The following CDKAL1 variants were observed in gnomAD, a reference collection of about 807,000 sequenced individuals.
CDKAL1 encodes the protein threonylcarbamoyladenosine tRNA methylthiotransferase.
In CDKAL1, 32 loss-of-function variants were observed where a neutral mutation model predicts 68.2. That is an observed-to-expected ratio of 0.47 (90% CI 0.35 to 0.63). The LOEUF (loss-of-function observed/expected upper bound fraction) is 0.63, where lower values mean the gene tolerates loss of function less well. Ranked by LOEUF, CDKAL1 falls within the 30% of genes least tolerant of loss-of-function variation. The pLI, the probability that CDKAL1 is intolerant of heterozygous loss-of-function variation, is 0.00. For missense variants in CDKAL1, 606 were observed against 696.7 expected (o/e 0.87, Z 1.47); for synonymous variants, 234 against 244.3 (o/e 0.96, Z 0.39).
chr6:20,786,032 C>T (rs1227575656), intron 8 of CDKAL1, among the ~76,000 whole-genome samples: 1 of 152,042 alleles, frequency 6.6e-6, no homozygotes, highest in Non-Finnish European at 1.5e-5. Context: ...ACCAGCCTGG[C>T]CAACATGCTG....
At chr6:20,933,037 C>A (rs1467105931) in intron 9 of CDKAL1, among the ~76,000 whole-genome samples, 3 of 152,148 alleles carry the variant, frequency 2.0e-5, no homozygotes, top group South Asian at 2.1e-4. Flanking sequence ...AGGAATCAAA[C>A]CCTGGTTGGC....
intron 5 of CDKAL1, among the ~76,000 whole-genome samples, chr6:20,714,729 A>T (rs1772012019): frequency 6.6e-6 from 1 of 151,998 alleles, no homozygotes; most frequent in East Asian, 1.9e-4. Flanking sequence ...ATGTTAACTA[A>T]TGTTTTCCAG....
At chr6:21,050,009 A>C (rs1384126555) in intron 11 of CDKAL1, among the ~76,000 whole-genome samples, 1 of 152,114 alleles carries the variant, frequency 6.6e-6, no homozygotes, top group Non-Finnish European at 1.5e-5. Flanking sequence ...TTCTTCCTTT[A>C]CTTATGTCAT....
At chr6:20,863,535 T>A (rs1480282435) in intron 9 of CDKAL1, among the ~76,000 whole-genome samples, 2 of 152,216 alleles carry the variant, frequency 1.3e-5, no homozygotes, top group Non-Finnish European at 2.9e-5. Context: ...AACTTCATCT[T>A]TTGCCTTACT....
chr6:21,064,732 A>C (rs1338530873), intron 11 of CDKAL1, among the ~76,000 whole-genome samples: 1 of 152,168 alleles, frequency 6.6e-6, no homozygotes, highest in South Asian at 2.1e-4. Context: ...CATTTACCAT[A>C]ATAGAGAAGT....
At chr6:20,661,172 A>G (rs1769267859) in intron 5 of CDKAL1, among the ~76,000 whole-genome samples, 1 of 152,226 alleles carries the variant, frequency 6.6e-6, no homozygotes, top group Non-Finnish European at 1.5e-5. Context: ...GAAAGATTTG[A>G]TGAAGGCCAA....
At chr6:20,862,635 TTG>T (rs56736298) in intron 9 of CDKAL1, among the ~76,000 whole-genome samples, 70,705 of 149,076 alleles carry the variant, frequency 0.47, 17,553 homozygotes, top group Non-Finnish European at 0.57. Context: ...TCTTTCCAAC[TTG>T]TGTGTGTGTG....
intron 5 of CDKAL1, among the ~76,000 whole-genome samples, chr6:20,667,235 G>C (rs1459147302): frequency 6.6e-6 from 1 of 152,162 alleles, no homozygotes; most frequent in African/African-American, 2.4e-5. Context: ...AATATTTCTT[G>C]AATGCCTACT....
intron 13 of CDKAL1, among the ~76,000 whole-genome samples, chr6:21,157,586 G>A (rs945672908): frequency 6.6e-6 from 1 of 152,148 alleles, no homozygotes; most frequent in Non-Finnish European, 1.5e-5. Flanking sequence ...TAAAAAAATA[G>A]CTAAGTGAAA....
chr6:20,600,791 C>CATATATATATATAT (rs1336889610), intron 4 of CDKAL1, among the ~76,000 whole-genome samples: 7 of 77,300 alleles, frequency 9.1e-5, no homozygotes, highest in African/African-American at 2.4e-4. Flanking sequence ...TATATATACA[C>CATATATATATATAT]ACACACACAT....
chr6:20,730,936 G>A (rs1205849955), intron 5 of CDKAL1, among the ~76,000 whole-genome samples: 1 of 152,062 alleles, frequency 6.6e-6, no homozygotes, highest in Non-Finnish European at 1.5e-5. Flanking sequence ...GCAGATGAGA[G>A]GGCGATGTGA....
intron 8 of CDKAL1, among the ~76,000 whole-genome samples, chr6:20,783,454 A>AC (rs922832758): frequency 2.0e-5 from 3 of 151,812 alleles, no homozygotes; most frequent in Non-Finnish European, 4.4e-5. Context: ...CCTACTTCAC[A>AC]CCCCAGTATT....
intron 12 of CDKAL1, among the ~76,000 whole-genome samples, chr6:21,090,217 A>G (rs1772924434): frequency 6.6e-6 from 1 of 152,220 alleles, no homozygotes; most frequent in South Asian, 2.1e-4. Flanking sequence ...TATGTTGATA[A>G]TAGGAACTAA....
Position 20,639,958 on chromosome 6 carries a change from C to T in CDKAL1, c.287-9335C>T, listed in dbSNP as rs148613962. Among the ~76,000 whole-genome samples the T allele has an allele frequency of 2.8e-4, 42 of 152,350 alleles. No individual in the cohort carries two copies. In the East Asian group the frequency reaches 6.4e-3, roughly 23 times the overall value. Reference sequence around the variant, plus strand: ...TGCTGGGATTACAGGCGCGAGCCACCGCGCCGACCATTTTCATTGGTTTTA... The same window carrying T: ...TGCTGGGATTACAGGCGCGAGCCACTGCGCCGACCATTTTCATTGGTTTTA... On this transcript the variant is annotated intron_variant, in intron 4 of 15. Transcript: ENST00000274695.
At chr6:20,892,470 G>T (rs1761460023) in intron 9 of CDKAL1, among the ~76,000 whole-genome samples, 1 of 152,180 alleles carries the variant, frequency 6.6e-6, no homozygotes, top group South Asian at 2.1e-4. Context: ...ACGTATCTGA[G>T]ATTTTGCCTC....
At chr6:20,907,030 C>T (rs1581804388) in intron 9 of CDKAL1, among the ~76,000 whole-genome samples, 1 of 152,040 alleles carries the variant, frequency 6.6e-6, no homozygotes, top group Non-Finnish European at 1.5e-5. Flanking sequence ...TAGTCAAAAT[C>T]ATAGAAACAG....
chr6:20,611,755 G>T (rs892304660), intron 4 of CDKAL1, among the ~76,000 whole-genome samples: 1 of 152,028 alleles, frequency 6.6e-6, no homozygotes, highest in Non-Finnish European at 1.5e-5. Flanking sequence ...AACATGTCAG[G>T]TCCTCTCTTC....
At position 21,000,220 on chromosome 6, in the gene CDKAL1, T is replaced by G. The variant is rs1326388889; in HGVS notation, c.910-7T>G. ...TGATTAGTGTTTTCTCCTTCCATTT[T>G]TTTAAGGAAATGGCAAAAATCCTTA... On this transcript the variant is annotated splice_region_variant and splice_polypyrimidine_tract_variant and intron_variant, in intron 10 of 15. Coordinates refer to ENST00000274695, the MANE Select transcript of CDKAL1 (RefSeq NM_017774.3). The G allele has an allele frequency of 6.2e-7, 1 of 1,608,114 alleles. No homozygotes were observed. The highest frequency in any genetic ancestry group is 1.7e-5 in the Admixed American group (1 of 59,454).
chr6:21,090,394 A>G (rs1268613545), intron 12 of CDKAL1, among the ~76,000 whole-genome samples: 1 of 152,216 alleles, frequency 6.6e-6, no homozygotes, highest in East Asian at 1.9e-4. Context: ...ACTTCAACAC[A>G]TTTGATTGCT....
Sources: allele counts gnomAD v4.1 joint callset (sites outside exome capture counted in the v4.1 genomes callset), GRCh38; gene constraint gnomAD v4.1.1; transcripts MANE v1.5; gene names NCBI Gene and HGNC (gene_info 2026-07-23, HGNC 2026-07-21).